TUSC3: variants seen among roughly 807,000 people sequenced by gnomAD.
TUSC3 encodes the protein dolichyl-diphosphooligosaccharide--protein glycosyltransferase subunit TUSC3.
TUSC3 carries 45 observed loss-of-function variants against 44.8 expected under a neutral mutation model. The ratio of observed to expected loss-of-function variants is 1.00; its 90% confidence interval spans 0.79 to 1.29. TUSC3 has a LOEUF of 1.29. Among genes scored for constraint, TUSC3 ranks in the 50% most tolerant of loss-of-function variants. The pLI is 0.00. For missense variants in TUSC3, 519 were observed against 437.9 expected, an observed-to-expected ratio of 1.19 and a Z score of -1.65; for synonymous variants, 212 against 152.9, an observed-to-expected ratio of 1.39 and a Z score of -2.85.
intron 1 of TUSC3, among the ~76,000 whole-genome samples, chr8:15,576,646 A>C (rs1447302593): frequency 5.6e-5 from 8 of 141,732 alleles, no homozygotes; most frequent in African/African-American, 8.2e-5. Context: ...CGAACTCATC[A>C]TTTTTTATGG....
At position 15,589,154 on chromosome 8, in the gene TUSC3, T is replaced by C. The variant is rs79615329; in HGVS notation, c.139-33926T>C. ...CTCCTACACCCTTTTGGTTTCCATT[T>C]ACGTGGGATATATTTTTGCATACCT... On this transcript the variant is annotated intron_variant, in intron 1 of 10. Coordinates refer to ENST00000503731, the MANE Select transcript of TUSC3 (RefSeq NM_006765.4). Among the ~76,000 whole-genome samples the C allele has an allele frequency of 3.7e-3, 556 of 152,328 alleles. 8 individuals carry two copies. The East Asian group carries it at 0.041, about 11-fold the overall frequency.
In TUSC3 at chr8:15,732,611, T is replaced by C. The variant is rs1417950051; in HGVS notation, c.862+1882T>C. Among the ~76,000 whole-genome samples the C allele has an allele frequency of 1.3e-5, 2 of 152,166 alleles. 1 individual carries two copies. The highest frequency in any genetic ancestry group is 3.8e-4 in the East Asian group (2 of 5,200). ...ATAAAATTTATCAAAATTCTAAAAC[T>C]TGAAATGTAAACATTGAAATGACTT... is the stretch of plus-strand genomic sequence containing the variant. On this transcript the variant is annotated intron_variant, in intron 7 of 10. Coordinates refer to ENST00000503731, the MANE Select transcript of TUSC3 (RefSeq NM_006765.4).
At chr8:15,749,362 G>T (rs1463870273) in intron 9 of TUSC3, among the ~76,000 whole-genome samples, 2 of 152,046 alleles carry the variant, frequency 1.3e-5, no homozygotes, top group Non-Finnish European at 2.9e-5. Flanking sequence ...AGCTTTATCA[G>T]GGAAAAAACT....
chr8:15,598,667 G>C (rs530673888), intron 1 of TUSC3, among the ~76,000 whole-genome samples: 1 of 151,764 alleles, frequency 6.6e-6, no homozygotes, highest in Non-Finnish European at 1.5e-5. Context: ...GCCTTTTTCA[G>C]AATGTCATAA....
intron 2 of TUSC3, among the ~76,000 whole-genome samples, chr8:15,640,952 A>G (rs1806337768): frequency 6.6e-6 from 1 of 152,196 alleles, no homozygotes; most frequent in South Asian, 2.1e-4. Flanking sequence ...ATACACGAAG[A>G]CTAGGAATTC....
intron 1 of TUSC3, among the ~76,000 whole-genome samples, chr8:15,427,079 G>GTTTTT (rs56268327): frequency 6.3e-5 from 9 of 143,208 alleles, no homozygotes; most frequent in Non-Finnish European, 1.4e-4. Context: ...TTTGGTGTTT[G>GTTTTT]TTTTTTTTTT....
the TUSC3 span, among the ~76,000 whole-genome samples, chr8:15,810,555 T>C: frequency 1.7e-4 from 26 of 152,076 alleles, 1 homozygote; most frequent in African/African-American, 5.8e-4. Context: ...GGAGGATCAC[T>C]TGAGCCCAGG....
At chr8:15,497,664 A>G (rs1045362135) in intron 2 of TUSC3, among the ~76,000 whole-genome samples, 3 of 152,104 alleles carry the variant, frequency 2.0e-5, no homozygotes, top group Non-Finnish European at 4.4e-5. Flanking sequence ...GGACAGGTAG[A>G]TTGTGTAATA....
the TUSC3 span, chr8:15,807,379 T>G: frequency 3.0e-6 from 1 of 336,138 alleles, no homozygotes; most frequent in Non-Finnish European, 5.5e-6. Context: ...AACAAGGCTG[T>G]GGAGAGAAGG....
chr8:15,581,948 A>G (rs1347623939), intron 1 of TUSC3, among the ~76,000 whole-genome samples: 1 of 150,068 alleles, frequency 6.7e-6, no homozygotes, highest in African/African-American at 2.5e-5. Flanking sequence ...CTGCTGTGCT[A>G]GCAGTCAGCG....
chr8:15,763,064 T>G (rs1812219979), intron 10 of TUSC3, among the ~76,000 whole-genome samples: 1 of 152,074 alleles, frequency 6.6e-6, no homozygotes, highest in Admixed American at 6.6e-5. Context: ...TTTTCTAGTT[T>G]GTATTGTACT....
At chr8:15,705,911 T>C (rs533583369) in intron 6 of TUSC3, among the ~76,000 whole-genome samples, 1 of 152,094 alleles carries the variant, frequency 6.6e-6, no homozygotes, top group Non-Finnish European at 1.5e-5. Context: ...ATCTCTGTGC[T>C]GTGACGTAAC....
intron 8 of TUSC3, among the ~76,000 whole-genome samples, chr8:15,744,058 C>G (rs150163101): frequency 3.9e-5 from 6 of 152,212 alleles, no homozygotes; most frequent in East Asian, 1.9e-4. Context: ...GTGAGATACT[C>G]TTATTACCTT....
At chr8:15,825,321 A>G in the TUSC3 span, among the ~76,000 whole-genome samples, 1 of 152,304 alleles carries the variant, frequency 6.6e-6, no homozygotes, top group African/African-American at 2.4e-5. Flanking sequence ...AGACCTCACA[A>G]TCATGGTGGA....
chr8:15,497,186 G>A (rs995294968), intron 2 of TUSC3, among the ~76,000 whole-genome samples: 4 of 152,194 alleles, frequency 2.6e-5, no homozygotes, highest in Non-Finnish European at 5.9e-5. Context: ...TCTCTGAGAA[G>A]TTTAAGTTTG....
chr8:15,802,092 C>T, the TUSC3 span, among the ~76,000 whole-genome samples: 3 of 152,236 alleles, frequency 2.0e-5, no homozygotes, highest in South Asian at 6.2e-4. Flanking sequence ...ACTCTTGTTC[C>T]GTTCATGCGC....
chr8:15,747,589 CAT>C lies in TUSC3; in HGVS notation c.938-783_938-782del, dbSNP rs138365717. 1.3e-3 allele frequency among the ~76,000 whole-genome samples: 202 copies of C among 152,090 alleles called. 2 individuals carry two copies. Among genetic ancestry groups the C allele is most frequent in the African/African-American group, 3.9e-3 (163 of 41,538 alleles). ...TCCAAAATACTATATGCAAAAGAAACATATTTTATTATGCATCTGCTTTAGAG... is the reference window on the plus strand; with the variant it reads ...TCCAAAATACTATATGCAAAAGAAACATTTTATTATGCATCTGCTTTAGAG... On this transcript the variant is annotated intron_variant, in intron 8 of 10. Coordinates refer to ENST00000503731, the MANE Select transcript of TUSC3 (RefSeq NM_006765.4).
At chr8:15,637,609 G>A (rs903479748) in intron 2 of TUSC3, among the ~76,000 whole-genome samples, 1 of 151,784 alleles carries the variant, frequency 6.6e-6, no homozygotes, top group Non-Finnish European at 1.5e-5. Context: ...ATTTATTTTT[G>A]TAGTAGCCTT....
chr8:15,770,283 C>G (rs1812417815), downstream of TUSC3, among the ~76,000 whole-genome samples: 1 of 151,978 alleles, frequency 6.6e-6, no homozygotes, highest in East Asian at 1.9e-4. Context: ...AAGCTGGAAA[C>G]CATCCTCAGC....
Sources: allele counts gnomAD v4.1 joint callset (sites outside exome capture counted in the v4.1 genomes callset), GRCh38; gene constraint gnomAD v4.1.1; transcripts MANE v1.5; gene names NCBI Gene and HGNC (gene_info 2026-07-23, HGNC 2026-07-21).